GMDS: variants seen among roughly 807,000 people sequenced by gnomAD.
GMDS encodes GDP-mannose 4,6 dehydratase.
GMDS carries 20 observed loss-of-function variants against 49.9 expected under a neutral mutation model. The observed-to-expected ratio is 0.40, with a 90% confidence interval of 0.28 to 0.58. The LOEUF (loss-of-function observed/expected upper bound fraction) is 0.58, where lower values mean the gene tolerates loss of function less well. Ranked by LOEUF, GMDS falls within the 20% of genes least tolerant of loss-of-function variation. The pLI is 0.42. For missense variants in GMDS, 362 were observed against 481.4 expected, an observed-to-expected ratio of 0.75 and a Z score of 2.32; for synonymous variants, 177 against 178.6, an observed-to-expected ratio of 0.99 and a Z score of 0.07.
chr6:1,737,069 GT>G (rs1767024246), intron 8 of GMDS, among the ~76,000 whole-genome samples: 1 of 152,190 alleles, frequency 6.6e-6, no homozygotes, highest in South Asian at 2.1e-4. Flanking sequence ...AGGGAGCAAG[GT>G]GCATGAGCAC....
intron 7 of GMDS, among the ~76,000 whole-genome samples, chr6:1,928,766 T>C (rs1762143847): frequency 6.6e-6 from 1 of 152,050 alleles, no homozygotes; most frequent in Non-Finnish European, 1.5e-5. Flanking sequence ...GTCAGGAGTT[T>C]GAGACCCGCC....
In GMDS at chr6:1,777,907, A is replaced by C. The variant is rs188270753; in HGVS notation, c.772-35321T>G. 1.5e-4 allele frequency among the ~76,000 whole-genome samples: 23 copies of C among 152,334 alleles called. No individual in the cohort carries two copies. In the East Asian group the frequency reaches 4.4e-3, roughly 29 times the overall value. On this transcript the variant is annotated intron_variant, in intron 7 of 10. Transcript: ENST00000380815. The stretch of plus-strand genomic sequence containing the variant: ...GGTATAAATATAGCTGAAATAATCC[A>C]GACAGTTTTATGACCTTACACCCCA...
At chr6:2,105,597 T>C (rs1192996911) in intron 4 of GMDS, among the ~76,000 whole-genome samples, 3 of 152,258 alleles carry the variant, frequency 2.0e-5, no homozygotes, top group Non-Finnish European at 4.4e-5. Context: ...ACTGGTTATT[T>C]ACCATCAGTA....
intron 7 of GMDS, among the ~76,000 whole-genome samples, chr6:1,879,279 C>T (rs1759249013): frequency 1.3e-5 from 2 of 152,040 alleles, no homozygotes; most frequent in Admixed American, 6.5e-5. Flanking sequence ...GACTTGAGCA[C>T]AAGAAGAAAA....
At chr6:2,189,286 A>G (rs1778913328) in intron 1 of GMDS, among the ~76,000 whole-genome samples, 1 of 152,150 alleles carries the variant, frequency 6.6e-6, no homozygotes, top group South Asian at 2.1e-4. Context: ...CAGAGGTAGG[A>G]GTAGGTTGAG....
intron 4 of GMDS, among the ~76,000 whole-genome samples, chr6:2,069,339 T>C (rs1326771649): frequency 6.6e-6 from 1 of 152,186 alleles, no homozygotes; most frequent in Non-Finnish European, 1.5e-5. Context: ...GGCTTTACCA[T>C]TCAGGACATA....
chr6:2,117,398 AC>A, intron 3 of GMDS, 70 bp downstream of exon 3: 1 of 892,512 alleles, frequency 1.1e-6, no homozygotes, highest in South Asian at 1.4e-5. Context: ...ATTTGAAAAC[AC>A]CTTATCTGAA....
intron 4 of GMDS, among the ~76,000 whole-genome samples, chr6:1,999,255 G>C (rs1011194960): frequency 1.3e-5 from 2 of 149,650 alleles, no homozygotes; most frequent in Non-Finnish European, 3.0e-5. Context: ...CAGGGAGTTG[G>C]AGGCTGCAGT....
At chr6:1,648,073 T>C (rs777979569) in intron 9 of GMDS, among the ~76,000 whole-genome samples, 1 of 152,266 alleles carries the variant, frequency 6.6e-6, no homozygotes, top group South Asian at 2.1e-4. Context: ...TATTTGCCTA[T>C]AGTGAGGACT....
At chr6:1,736,892 C>T (rs532442471) in intron 8 of GMDS, among the ~76,000 whole-genome samples, 16 of 152,212 alleles carry the variant, frequency 1.1e-4, no homozygotes, top group Non-Finnish European at 1.5e-4. Flanking sequence ...TGCAAATTCC[C>T]GAGGAATGCA....
At chr6:2,142,097 C>G (rs1776327260) in intron 1 of GMDS, among the ~76,000 whole-genome samples, 1 of 152,158 alleles carries the variant, frequency 6.6e-6, no homozygotes, top group Non-Finnish European at 1.5e-5. Context: ...AAAGACCTTA[C>G]TATTTAAGTT....
At chr6:2,207,241 C>G (rs1779847056) in intron 1 of GMDS, among the ~76,000 whole-genome samples, 1 of 151,770 alleles carries the variant, frequency 6.6e-6, no homozygotes, top group Non-Finnish European at 1.5e-5. Context: ...TGCTGGAGCT[C>G]CAGACATCAC....
At chr6:1,861,543 G>C (rs551085583) in intron 7 of GMDS, among the ~76,000 whole-genome samples, 80 of 151,796 alleles carry the variant, frequency 5.3e-4, no homozygotes, top group Non-Finnish European at 9.0e-4. Context: ...CACTAACCAG[G>C]CTGAGCAGAT....
At chr6:1,890,444 G>A (rs1392359901) in intron 7 of GMDS, among the ~76,000 whole-genome samples, 1 of 152,110 alleles carries the variant, frequency 6.6e-6, no homozygotes, top group Non-Finnish European at 1.5e-5. Context: ...TTCTTGAGTT[G>A]TAAGAGTTCT....
chr6:2,057,260 T>A (rs1031857867), intron 4 of GMDS, among the ~76,000 whole-genome samples: 3 of 152,124 alleles, frequency 2.0e-5, no homozygotes, highest in Non-Finnish European at 4.4e-5. Flanking sequence ...CATGAGACCC[T>A]CCCAGGGAGA....
At chr6:2,147,358 A>G (rs1776608806) in intron 1 of GMDS, among the ~76,000 whole-genome samples, 1 of 152,008 alleles carries the variant, frequency 6.6e-6, no homozygotes, top group South Asian at 2.1e-4. Flanking sequence ...GCTTGCCCCC[A>G]CTCACATACA....
intron 7 of GMDS, among the ~76,000 whole-genome samples, chr6:1,923,372 C>A (rs950058024): frequency 6.6e-6 from 1 of 152,178 alleles, no homozygotes; most frequent in Non-Finnish European, 1.5e-5. Flanking sequence ...AAGGACCAAC[C>A]GAGTTGATAA....
intron 4 of GMDS, among the ~76,000 whole-genome samples, chr6:2,015,780 C>A (rs1388619084): frequency 1.3e-5 from 2 of 152,164 alleles, no homozygotes; most frequent in Admixed American, 1.3e-4. Context: ...GCCTTTCCAT[C>A]TTAACTGGAC....
chr6:1,912,363 C>CT (rs1761111852), intron 7 of GMDS, among the ~76,000 whole-genome samples: 2 of 150,518 alleles, frequency 1.3e-5, no homozygotes, highest in Admixed American at 1.3e-4. Context: ...GAGACTTTGT[C>CT]TAAAAAAAAT....
Sources: gnomAD v4.1 joint callset for allele counts (sites outside exome capture counted in the v4.1 genomes callset) on GRCh38, gnomAD v4.1.1 for gene constraint, MANE v1.5 for transcripts, NCBI Gene and HGNC (gene_info 2026-07-23, HGNC 2026-07-21) for gene names.